The following SLC35D4 variants were observed in gnomAD, a reference collection of about 807,000 sequenced individuals.
SLC35D4 encodes solute carrier family 35 member D4.
the SLC35D4 span, among the ~76,000 whole-genome samples, chr18:23,366,950 T>A: frequency 1.3e-5 from 2 of 152,332 alleles, no homozygotes; most frequent in African/African-American, 4.8e-5. Context: ...GCCCTTTGCA[T>A]AGGCTAAGTC....
chr18:23,282,040 C>T, the SLC35D4 span, among the ~76,000 whole-genome samples: 1 of 152,244 alleles, frequency 6.6e-6, no homozygotes, highest in African/African-American at 2.4e-5. Context: ...AACAGCTCCA[C>T]TTAACTTCTA....
chr18:23,413,336 T>G, the SLC35D4 span, among the ~76,000 whole-genome samples: 1 of 152,198 alleles, frequency 6.6e-6, no homozygotes, highest in African/African-American at 2.4e-5. Context: ...TTCAGTAAGG[T>G]TCTGACAATC....
At chr18:23,409,409 C>T in the SLC35D4 span, among the ~76,000 whole-genome samples, 6 of 152,306 alleles carry the variant, frequency 3.9e-5, no homozygotes, top group Non-Finnish European at 5.9e-5. Flanking sequence ...TAATTGAATA[C>T]CAGCCCTACT....
At chr18:23,292,965 C>A in the SLC35D4 span, among the ~76,000 whole-genome samples, 74 of 152,288 alleles carry the variant, frequency 4.9e-4, no homozygotes, top group Middle Eastern at 0.01. Context: ...TAAGGCCAGG[C>A]GTGGTGGCTC....
the SLC35D4 span, among the ~76,000 whole-genome samples, chr18:23,293,014 C>T: frequency 6.6e-6 from 1 of 152,048 alleles, no homozygotes; most frequent in Non-Finnish European, 1.5e-5. Flanking sequence ...CCGAGGTGGG[C>T]GGATCACTTG....
At chr18:23,356,638 G>A in the SLC35D4 span, 3 of 1,614,174 alleles carry the variant, frequency 1.9e-6, no homozygotes, top group Admixed American at 3.3e-5. The surrounding 1 kb of genome is among the most constrained non-coding windows in gnomAD (Gnocchi z 4.1). Flanking sequence ...ACAGGAATGG[G>A]AAGTCCAGGA....
chr18:23,246,612 C>G, the SLC35D4 span, among the ~76,000 whole-genome samples: 3 of 151,338 alleles, frequency 2.0e-5, no homozygotes, highest in African/African-American at 2.4e-5. Context: ...AGGATGGTCT[C>G]GATCTCCTGA....
the SLC35D4 span, among the ~76,000 whole-genome samples, chr18:23,244,056 A>G: frequency 6.6e-6 from 1 of 152,162 alleles, no homozygotes; most frequent in Non-Finnish European, 1.5e-5. Context: ...TTTGACAATC[A>G]CTTCGTGATT....
the SLC35D4 span, among the ~76,000 whole-genome samples, chr18:23,318,701 A>C: frequency 1.3e-5 from 2 of 152,240 alleles, no homozygotes; most frequent in African/African-American, 4.8e-5. Flanking sequence ...GGAAAAAGTC[A>C]ATATCATGCT....
chr18:23,426,372 A>G, the SLC35D4 span, among the ~76,000 whole-genome samples: 1 of 152,208 alleles, frequency 6.6e-6, no homozygotes, highest in Non-Finnish European at 1.5e-5. Context: ...ATACACCAAT[A>G]ACAGACAAAA....
chr18:23,362,610 CAAACAAA>C, the SLC35D4 span, among the ~76,000 whole-genome samples: 8 of 151,864 alleles, frequency 5.3e-5, no homozygotes, highest in African/African-American at 1.2e-4. Flanking sequence ...AACAAACAAA[CAAACAAA>C]AAACAAAAAA....
the SLC35D4 span, chr18:23,399,738 TACA>T: frequency 3.7e-5 from 44 of 1,186,948 alleles, no homozygotes; most frequent in African/African-American, 6.3e-4. Flanking sequence ...ATGCATCAAC[TACA>T]ACAACAGAGG....
chr18:23,298,266 G>T, the SLC35D4 span, among the ~76,000 whole-genome samples: 1 of 152,244 alleles, frequency 6.6e-6, no homozygotes, highest in African/African-American at 2.4e-5. Flanking sequence ...CATGGGAGGT[G>T]AGAAGGCAGG....
chr18:23,277,048 GTC>G, the SLC35D4 span, among the ~76,000 whole-genome samples: 1 of 152,204 alleles, frequency 6.6e-6, no homozygotes, highest in East Asian at 1.9e-4. Context: ...TTTCTCATGA[GTC>G]TAGATTTTGC....
the SLC35D4 span, among the ~76,000 whole-genome samples, chr18:23,340,914 G>A: frequency 6.6e-6 from 1 of 152,204 alleles, no homozygotes; most frequent in African/African-American, 2.4e-5. Flanking sequence ...AAGTCAGTCT[G>A]AAGTTAACAA....
the SLC35D4 span, among the ~76,000 whole-genome samples, chr18:23,308,983 G>A: frequency 2.0e-5 from 3 of 151,134 alleles, no homozygotes; most frequent in East Asian, 3.9e-4. Context: ...AAATGGTGTC[G>A]TGTTTGCCTA....
At chr18:23,307,801 A>C in the SLC35D4 span, among the ~76,000 whole-genome samples, 1 of 152,066 alleles carries the variant, frequency 6.6e-6, no homozygotes, top group African/African-American at 2.4e-5. Context: ...CTACCATCAC[A>C]ACGGCCACAC....
the SLC35D4 span, among the ~76,000 whole-genome samples, chr18:23,392,078 C>A: frequency 1.3e-5 from 2 of 151,928 alleles, no homozygotes; most frequent in East Asian, 3.9e-4. Context: ...GCTGGAACTA[C>A]AGGCACACGC....
the SLC35D4 span, among the ~76,000 whole-genome samples, chr18:23,411,529 G>GAAAC: frequency 2.0e-5 from 3 of 151,392 alleles, no homozygotes; most frequent in Non-Finnish European, 4.4e-5. Context: ...AAGAAAGAAA[G>GAAAC]AAAGAAAGAA....
Sources: allele counts gnomAD v4.1 joint callset (sites outside exome capture counted in the v4.1 genomes callset), GRCh38; gene constraint gnomAD v4.1.1; non-coding constraint Gnocchi (gnomAD v3.1); transcripts MANE v1.5; gene names NCBI Gene and HGNC (gene_info 2026-07-23, HGNC 2026-07-21).